Variants in TNFRSF1B observed in about 807,000 individuals in gnomAD.
The protein encoded by TNFRSF1B is tumor necrosis factor receptor superfamily member 1B.
Under a neutral mutation model 44.6 loss-of-function variants are expected in TNFRSF1B, and 19 were observed. The observed-to-expected ratio is 0.43, with a 90% CI of 0.30 to 0.62. The LOEUF (loss-of-function observed/expected upper bound fraction) is 0.62. Ranked by LOEUF, TNFRSF1B falls within the 20% of genes least tolerant of loss-of-function variation. The pLI is 0.16. For missense variants in TNFRSF1B, 541 were observed against 619.9 expected, an observed-to-expected ratio of 0.87 and a Z score of 1.35; for synonymous variants, 252 against 261.1, an observed-to-expected ratio of 0.97 and a Z score of 0.34.
chr1:12,182,835 GA>G (rs1557628036), intron 1 of TNFRSF1B, among the ~76,000 whole-genome samples: 2 of 152,258 alleles, frequency 1.3e-5, no homozygotes, highest in African/African-American at 4.8e-5. Context: ...GGGTGACAGA[GA>G]CAGCTCCCAT....
intron 1 of TNFRSF1B, among the ~76,000 whole-genome samples, chr1:12,182,185 T>C (rs1283503713): frequency 1.3e-5 from 2 of 152,086 alleles, no homozygotes; most frequent in Non-Finnish European, 2.9e-5. Context: ...GGAATAACAA[T>C]AGGACTGGCC....
rs866947252 is a variant in TNFRSF1B, at chr1:12,170,896, G to A, written c.78+3727G>A. 6.6e-4 allele frequency among the ~76,000 whole-genome samples: 99 copies of A among 150,016 alleles called. 1 individual carries two copies. Among genetic ancestry groups the A allele is most frequent in the Admixed American group, 4.0e-4 (6 of 15,080 alleles). On this transcript the variant is annotated intron_variant, in intron 1 of 9. Transcript: ENST00000376259. ...TCACCATATTGCCCAGGATGGTCTT[G>A]GACCCCTGACCTCAAGTGATCCTCC...
chr1:12,173,795 C>T (rs374935983), intron 1 of TNFRSF1B, among the ~76,000 whole-genome samples: 5 of 152,162 alleles, frequency 3.3e-5, no homozygotes, highest in African/African-American at 7.2e-5. Context: ...TAGCTGACTG[C>T]GGGGCTGGGG....
intron 8 of TNFRSF1B, among the ~76,000 whole-genome samples, chr1:12,198,027 A>G (rs985321198): frequency 1.3e-5 from 2 of 150,118 alleles, no homozygotes; most frequent in Non-Finnish European, 3.0e-5. Context: ...CCGGAGGCTG[A>G]GGCAGAATAG....
chr1:12,194,766 G>T, intron 8 of TNFRSF1B, 148 bp downstream of exon 8: 1 of 950,114 alleles, frequency 1.1e-6, no homozygotes. Context: ...AAAGGCCGGG[G>T]AGTCAGGCAG....
At chr1:12,201,598 T>C (rs1193674870) in intron 8 of TNFRSF1B, among the ~76,000 whole-genome samples, 1 of 152,130 alleles carries the variant, frequency 6.6e-6, no homozygotes, top group Non-Finnish European at 1.5e-5. Flanking sequence ...GTTGCTAGGC[T>C]GGGCCATGTC....
chr1:12,184,157 G>C (rs534144238), intron 1 of TNFRSF1B, among the ~76,000 whole-genome samples: 1 of 152,176 alleles, frequency 6.6e-6, no homozygotes, highest in African/African-American at 2.4e-5. Context: ...GCATTTCCTA[G>C]AGAATGCTTG....
At chr1:12,203,424 C>T (rs1639434860) in intron 9 of TNFRSF1B, among the ~76,000 whole-genome samples, 1 of 152,172 alleles carries the variant, frequency 6.6e-6, no homozygotes, top group Non-Finnish European at 1.5e-5. Context: ...CTCCCCAGCT[C>T]ACTGCGCCCC....
chr1:12,206,707 G>C (rs754383725), intron 9 of TNFRSF1B, 33 bp from the exon 10 acceptor site: 5 of 1,519,838 alleles, frequency 3.3e-6, no homozygotes, highest in Admixed American at 2.0e-5. Flanking sequence ...CTGGACCCCC[G>C]GACTGACCCC....
In TNFRSF1B at chr1:12,181,528, C is replaced by T. The variant is rs887629893; in HGVS notation, c.79-7268C>T. ...AAGTCCATGACACCCCCAAATCCCC[C>T]GGACCCACTACCCTGACCTCCTGGC... On this transcript the variant is annotated intron_variant, in intron 1 of 9. Transcript: ENST00000376259. Among the ~76,000 whole-genome samples, 12 of 152,280 alleles carry T rather than the reference C, an allele frequency of 7.9e-5. 1 individual carries two copies. Among genetic ancestry groups the T allele is most frequent in the Admixed American group, 3.9e-4 (6 of 15,310 alleles).
intron 9 of TNFRSF1B, among the ~76,000 whole-genome samples, chr1:12,202,721 T>G (rs962221522): frequency 2.7e-4 from 41 of 152,246 alleles, no homozygotes; most frequent in African/African-American, 8.2e-4. Context: ...AAAACTGACC[T>G]GCATGTCAAT....
Position 12,190,999 on chromosome 1 carries a change from T to C in TNFRSF1B, c.221T>C (p.Val74Ala). 1 of 1,614,148 alleles carries C rather than the reference T, an allele frequency of 6.2e-7. No individual in the cohort carries two copies. Among genetic ancestry groups the C allele is most frequent in the Non-Finnish European group, 8.5e-7 (1 of 1,180,020 alleles). Residue 74 changes from valine to alanine, a missense_variant, in exon 3 of 10, where the codon GTG (valine) becomes GCG (alanine). Transcript: ENST00000376259. ...TTCTGTACCAAGACCTCGGACACCG[T>C]GTGTGACTCCTGTGAGGACAGCACA... ...KVFCTKTSDT[V>A]CDSCEDSTYT...
intron 1 of TNFRSF1B, among the ~76,000 whole-genome samples, chr1:12,174,157 TCTTCTTCTCCTTCTCCTTCTC>T (rs1638590216): frequency 4.1e-5 from 4 of 98,524 alleles, no homozygotes; most frequent in Admixed American, 1.0e-4. Flanking sequence ...TTCTTCTTCT[TCTTCTTCTCCTTCTCCTTCTC>T]CTTCTCCTTC....
chr1:12,183,826 C>CCTATCTATCTATCTATCTATCTATCTAT (rs111395466), intron 1 of TNFRSF1B, among the ~76,000 whole-genome samples: 2 of 124,386 alleles, frequency 1.6e-5, no homozygotes, highest in African/African-American at 5.9e-5. Context: ...ATTCTATCTA[C>CCTATCTATCTATCTATCTATCTATCTAT]CTATCTATCT....
rs760451572 is a variant in TNFRSF1B, at chr1:12,186,786, C to T, written c.79-2010C>T. ...CTGCCCTTTGTTCATTTCCAGGTGA[C>T]GCATCTGTGGGGGCCCCTGAAGGAC... On this transcript the variant is annotated intron_variant, in intron 1 of 9. Transcript: ENST00000376259. The surrounding 1 kb of genome is among the most constrained non-coding windows in gnomAD (Gnocchi z 4.8). Among the ~76,000 whole-genome samples, 6 of 152,202 alleles carry T rather than the reference C, an allele frequency of 3.9e-5. No homozygotes were observed. Among genetic ancestry groups the T allele is most frequent in the African/African-American group, 1.4e-4 (6 of 41,462 alleles).
intron 1 of TNFRSF1B, among the ~76,000 whole-genome samples, chr1:12,173,669 C>G (rs1570124044): frequency 6.6e-6 from 1 of 152,216 alleles, no homozygotes; most frequent in African/African-American, 2.4e-5. Context: ...GCAGGAAGGG[C>G]GTTTTCCTGG....
At chr1:12,204,993 A>G (rs1639470459) in intron 9 of TNFRSF1B, among the ~76,000 whole-genome samples, 1 of 151,796 alleles carries the variant, frequency 6.6e-6, no homozygotes, top group Non-Finnish European at 1.5e-5. Context: ...TGGGCAACAT[A>G]GCAAGACCCC....
In TNFRSF1B at chr1:12,192,760, A is replaced by G. The variant is rs889799410; in HGVS notation, c.552-103A>G. 1.0e-4 allele frequency: 108 copies of G among 1,056,566 alleles called. 1 individual carries two copies. Among genetic ancestry groups the G allele is most frequent in the Non-Finnish European group, 1.3e-4 (96 of 723,240 alleles). 65.4% of individuals were successfully genotyped at this position (1,056,566 alleles called of 1,614,324 possible). On this transcript the variant is annotated intron_variant, in intron 5 of 9. Coordinates refer to ENST00000376259, the MANE Select transcript of TNFRSF1B (RefSeq NM_001066.3). The stretch of plus-strand genomic sequence containing the variant: ...GGGGTGGTCCTCAGAGAGGGCACAC[A>G]TCGTCACTCTCCTATCCTGCCTGCT...
At chr1:12,191,649 C>T in intron 3 of TNFRSF1B, 125 bp from the exon 4 acceptor site, 3 of 1,206,394 alleles carry the variant, frequency 2.5e-6, no homozygotes, top group Admixed American at 2.0e-5. Context: ...TTGTGTGTGC[C>T]CCATGCTGAG....
Sources: allele counts gnomAD v4.1 joint callset (sites outside exome capture counted in the v4.1 genomes callset), GRCh38; gene constraint gnomAD v4.1.1; non-coding constraint Gnocchi (gnomAD v3.1); transcripts MANE v1.5; gene names NCBI Gene and HGNC (gene_info 2026-07-23, HGNC 2026-07-21).